Variants in CHRNB3 observed in about 807,000 individuals in gnomAD.
The protein encoded by CHRNB3 is neuronal acetylcholine receptor subunit beta-3.
A neutral mutation model predicts 40.6 loss-of-function variants in CHRNB3; 37 were observed. The ratio of observed to expected loss-of-function variants is 0.91; its 90% CI spans 0.70 to 1.20. The LOEUF is 1.20. Among genes scored for constraint, CHRNB3 ranks in the 50% most tolerant of loss-of-function variants. CHRNB3 has a pLI of 0.00. For missense variants in CHRNB3, 505 were observed against 551.2 expected, an observed-to-expected ratio of 0.92 and a Z score of 0.84; for synonymous variants, 207 against 207.1, an observed-to-expected ratio of 1.00 and a Z score of 0.00.
At position 42,731,763 on chromosome 8, in the gene CHRNB3, C is replaced by G. The variant is rs1443309376; in HGVS notation, c.456C>G (p.Ser152=). 2 of 1,614,102 alleles carry G rather than the reference C, an allele frequency of 1.2e-6. No homozygotes were observed. Among genetic ancestry groups the G allele is most frequent in the Non-Finnish European group, 1.7e-6 (2 of 1,180,034 alleles). Residue 152 remains serine (S), a synonymous_variant, in exon 5 of 6, where the codon TCC becomes TCG. Coordinates refer to ENST00000289957, the MANE Select transcript of CHRNB3 (RefSeq NM_000749.5). Reference sequence around the variant, plus strand: ...CCCCTCCCGCCAGCTACAAAAGCTCCTGCACCATGGACGTCACGTTTTTCC... The same window carrying G: ...CCCCTCCCGCCAGCTACAAAAGCTCGTGCACCATGGACGTCACGTTTTTCC... ...VWTPPASYKS[S]CTMDVTFFPF...
chr8:42,732,719 T>C (rs2128908869), intron 5 of CHRNB3, among the ~76,000 whole-genome samples, 170 bp downstream of exon 5: 1 of 152,286 alleles, frequency 6.6e-6, no homozygotes, highest in South Asian at 2.1e-4. Flanking sequence ...ATAGCGACAT[T>C]AGTATGAATT....
intron 1 of CHRNB3, chr8:42,699,339 A>G (rs185933383): frequency 1.8e-4 from 27 of 152,298 alleles, no homozygotes; most frequent in Non-Finnish European, 3.1e-4. Context: ...CTCTCTTACA[A>G]CATGATGATA....
At chr8:42,736,001 G>A (rs1022753999) in intron 5 of CHRNB3, among the ~76,000 whole-genome samples, 37 of 152,264 alleles carry the variant, frequency 2.4e-4, no homozygotes, top group African/African-American at 7.5e-4. Context: ...AAGTAGCTGA[G>A]ATTACAGGTG....
intron 3 of CHRNB3, among the ~76,000 whole-genome samples, chr8:42,723,755 G>A (rs529267998): frequency 2.0e-5 from 3 of 152,202 alleles, no homozygotes; most frequent in East Asian, 3.9e-4. Context: ...CTCTCTAAGC[G>A]CTGGTTGCCT....
At chr8:42,712,074 C>T (rs2128905862) in intron 3 of CHRNB3, among the ~76,000 whole-genome samples, 1 of 152,154 alleles carries the variant, frequency 6.6e-6, no homozygotes. Flanking sequence ...CTCACTGCAA[C>T]CTCCGCCTCC....
In CHRNB3 at chr8:42,731,896, G is replaced by A. The variant is rs1162798881; in HGVS notation, c.589G>A (p.Asp197Asn). ...AAATGTCGACAGAAAAGACTTCTTC[G>A]ATAACGGAGAATGGGAAATACTGAA... is the stretch of plus-strand genomic sequence containing the variant. Reference protein sequence around the residue: ...NENVDRKDFFDNGEWEILNAK... With the variant: ...NENVDRKDFFNNGEWEILNAK... Residue 197 changes from aspartate (D) to asparagine (N), a missense_variant, in exon 5 of 6, where the codon GAT becomes AAT. By Grantham distance (23) the Asp-to-Asn change is conservative. Coordinates refer to ENST00000289957, the MANE Select transcript of CHRNB3 (RefSeq NM_000749.5). The A allele has an allele frequency of 6.2e-7, 1 of 1,614,116 alleles. No individual in the cohort carries two copies. Among genetic ancestry groups the A allele is most frequent in the East Asian group, 2.2e-5 (1 of 44,884 alleles).
At chr8:42,707,772 C>A (rs904140426) in intron 1 of CHRNB3, among the ~76,000 whole-genome samples, 1 of 152,154 alleles carries the variant, frequency 6.6e-6, no homozygotes, top group Non-Finnish European at 1.5e-5. Context: ...AAAGACTCTT[C>A]CTTGGGAAAA....
In CHRNB3 at chr8:42,732,427, G is replaced by T; in HGVS notation, c.1120G>T (p.Glu374Ter). ...ACCAGTAGTGAAAGGCAAAGTCCTCGAAAAAAAGAAACAGAAACAGCTTAG... is the reference window on the plus strand; with the variant it reads ...ACCAGTAGTGAAAGGCAAAGTCCTCTAAAAAAAGAAACAGAAACAGCTTAG... ...SQPVVKGKVLEKKKQKQLSDG... is the reference protein window; with the variant it reads ...SQPVVKGKVL Residue 374 changes from glutamate (E) to a stop codon, truncating the protein, a stop_gained, in exon 5 of 6, where the codon GAA becomes TAA. Coordinates refer to ENST00000289957, the MANE Select transcript of CHRNB3 (RefSeq NM_000749.5). LOFTEE classifies it high-confidence loss of function. 6.2e-7 allele frequency: 1 copy of T among 1,613,292 alleles called. No homozygotes were observed. The highest frequency in any genetic ancestry group is 8.5e-7 in the Non-Finnish European group (1 of 1,179,772).
At chr8:42,728,319 G>A (rs1044728262) in intron 3 of CHRNB3, among the ~76,000 whole-genome samples, 1 of 152,040 alleles carries the variant, frequency 6.6e-6, no homozygotes, top group Non-Finnish European at 1.5e-5. Flanking sequence ...GAGCCTAGGG[G>A]TTCAAGACCA....
chr8:42,715,701 CT>C (rs1241493744), intron 3 of CHRNB3, among the ~76,000 whole-genome samples: 4 of 152,084 alleles, frequency 2.6e-5, no homozygotes, highest in Non-Finnish European at 4.4e-5. Flanking sequence ...AAAGAAAGAA[CT>C]TTATAAAGCA....
intron 3 of CHRNB3, among the ~76,000 whole-genome samples, chr8:42,717,373 CAAAAAAAAAAAAAAAAA>C (rs1169333899): frequency 8.9e-5 from 1 of 11,196 alleles, no homozygotes; most frequent in South Asian, 5.6e-3. Flanking sequence ...GACTCCGTCT[CAAAAAAAAAAAAAAAAA>C]AAAAAAAAAA....
chr8:42,707,663 G>C (rs1022294420), intron 1 of CHRNB3, among the ~76,000 whole-genome samples: 2 of 152,190 alleles, frequency 1.3e-5, no homozygotes, highest in African/African-American at 4.8e-5. Flanking sequence ...CAACTGGAGG[G>C]TTAAAGCTTA....
chr8:42,714,939 A>G (rs1214506080), intron 3 of CHRNB3: 1 of 152,114 alleles, frequency 6.6e-6, no homozygotes, highest in African/African-American at 2.4e-5. Context: ...TAATTTCCTA[A>G]CCCTGGTCTT....
chr8:42,716,814 A>G (rs1816117392), intron 3 of CHRNB3, among the ~76,000 whole-genome samples: 1 of 151,998 alleles, frequency 6.6e-6, no homozygotes, highest in Non-Finnish European at 1.5e-5. Flanking sequence ...TCTGCCTCAT[A>G]AGGCCCTGAG....
intron 1 of CHRNB3, chr8:42,705,923 A>G (rs1461297788): frequency 6.6e-6 from 1 of 152,264 alleles, no homozygotes; most frequent in Non-Finnish European, 1.5e-5. Flanking sequence ...GCTGGGTGAC[A>G]GTCACTGTTC....
intron 3 of CHRNB3, among the ~76,000 whole-genome samples, chr8:42,718,390 T>A (rs1010429703): frequency 2.6e-5 from 4 of 152,064 alleles, no homozygotes; most frequent in Non-Finnish European, 4.4e-5. Flanking sequence ...ATTTGGGGAC[T>A]TGGCCGAGCA....
At chr8:42,715,063 T>C (rs757427016) in intron 3 of CHRNB3, 1 of 152,174 alleles carries the variant, frequency 6.6e-6, no homozygotes, top group Non-Finnish European at 1.5e-5. Flanking sequence ...CCAGGATTTA[T>C]TGACATCCTA....
At chr8:42,706,475 G>C (rs1815924241) in intron 1 of CHRNB3, among the ~76,000 whole-genome samples, 1 of 152,158 alleles carries the variant, frequency 6.6e-6, no homozygotes, top group Admixed American at 6.5e-5. Flanking sequence ...GAGCCCAAGA[G>C]AGAGAGCATC....
chr8:42,734,031 G>A (rs1477468535), intron 5 of CHRNB3, among the ~76,000 whole-genome samples: 1 of 151,230 alleles, frequency 6.6e-6, no homozygotes, highest in Non-Finnish European at 1.5e-5. Flanking sequence ...GCCAAGGTGA[G>A]TGGATCACGA....
Sources: allele counts gnomAD v4.1 joint callset (sites outside exome capture counted in the v4.1 genomes callset), GRCh38; gene constraint gnomAD v4.1.1; transcripts MANE v1.5; gene names NCBI Gene and HGNC (gene_info 2026-07-23, HGNC 2026-07-21).